The following AUTS2 variants were observed in gnomAD, a reference collection of about 807,000 sequenced individuals.
The protein encoded by AUTS2 is activator of transcription and developmental regulator AUTS2, also known as autism susceptibility gene 2 protein.
In AUTS2, 17 loss-of-function variants were observed where a neutral mutation model predicts 112.4. The observed-to-expected ratio is 0.15, with a 90% CI of 0.10 to 0.23. The LOEUF (loss-of-function observed/expected upper bound fraction) is 0.23. Among genes scored for constraint, AUTS2 ranks in the 10% least tolerant of loss-of-function variants. The pLI, the probability that AUTS2 is intolerant of heterozygous loss-of-function variation, is 1.00. For synonymous variants in AUTS2, 751 were observed against 702.7 expected, an observed-to-expected ratio of 1.07 and a Z score of -1.09; for missense variants, 1,510 against 1,701.6, an observed-to-expected ratio of 0.89 and a Z score of 1.98.
chr7:69,844,599 A>G (rs1006949739), intron 1 of AUTS2, among the ~76,000 whole-genome samples: 1 of 152,224 alleles, frequency 6.6e-6, no homozygotes, highest in Non-Finnish European at 1.5e-5. Flanking sequence ...AGAGAAGGTC[A>G]AAATCTACAT....
chr7:70,562,023 A>T (rs1440989678), intron 5 of AUTS2, among the ~76,000 whole-genome samples: 1 of 152,236 alleles, frequency 6.6e-6, no homozygotes, highest in East Asian at 1.9e-4. Context: ...CTGCTTGTTT[A>T]AAAAAGCCTG....
At chr7:69,842,497 A>T (rs1357075388) in intron 1 of AUTS2, among the ~76,000 whole-genome samples, 1 of 152,210 alleles carries the variant, frequency 6.6e-6, no homozygotes. Flanking sequence ...GATGTTATGA[A>T]GTAAGTGACT....
At chr7:70,319,635 A>C (rs1182119009) in intron 4 of AUTS2, among the ~76,000 whole-genome samples, 1 of 152,208 alleles carries the variant, frequency 6.6e-6, no homozygotes, top group Non-Finnish European at 1.5e-5. Context: ...GGTCTCAGCC[A>C]ACCTCAAAGG....
chr7:70,344,094 C>A (rs923676866), intron 4 of AUTS2, among the ~76,000 whole-genome samples: 10 of 152,114 alleles, frequency 6.6e-5, no homozygotes, highest in African/African-American at 2.4e-4. Flanking sequence ...ACTGACACAA[C>A]CCTGAGAATG....
At chr7:70,580,096 G>A (rs1490888534) in intron 5 of AUTS2, among the ~76,000 whole-genome samples, 2 of 152,116 alleles carry the variant, frequency 1.3e-5, no homozygotes, top group Non-Finnish European at 2.9e-5. Context: ...AACCAGCACT[G>A]ACTCGGTGGT....
chr7:70,111,324 A>C (rs1343882013), intron 2 of AUTS2, among the ~76,000 whole-genome samples: 1 of 152,202 alleles, frequency 6.6e-6, no homozygotes, highest in East Asian at 1.9e-4. Flanking sequence ...GACCTAATCA[A>C]GTGAACTATT....
chr7:69,939,078 A>G (rs1217368235), intron 2 of AUTS2, among the ~76,000 whole-genome samples: 1 of 152,202 alleles, frequency 6.6e-6, no homozygotes, highest in African/African-American at 2.4e-5. Context: ...CAGCAAGTGA[A>G]ACTTAAATAC....
chr7:70,530,634 C>T lies in AUTS2; in HGVS notation c.690+94853C>T, dbSNP rs143986575. On this transcript the variant is annotated intron_variant, in intron 5 of 18. Transcript: ENST00000342771. Reference sequence around the variant, plus strand: ...CTCTGCCCTCCCTCTTCCCCAGCCCCCAGCCTGACCGTGGAAATTAGCCTG... The same window carrying T: ...CTCTGCCCTCCCTCTTCCCCAGCCCTCAGCCTGACCGTGGAAATTAGCCTG... Among the ~76,000 whole-genome samples, 55 of 152,284 alleles carry T rather than the reference C, an allele frequency of 3.6e-4. No individual in the cohort carries two copies. In the East Asian group the frequency reaches 0.011, roughly 29 times the overall value.
intron 1 of AUTS2, among the ~76,000 whole-genome samples, chr7:69,760,976 A>C (rs573561182): frequency 6.6e-6 from 1 of 152,182 alleles, no homozygotes; most frequent in Non-Finnish European, 1.5e-5. Flanking sequence ...ACCAGAGGAG[A>C]TGGTTGCAAA....
At chr7:69,715,227 T>TAAAAA (rs61555118) in intron 1 of AUTS2, among the ~76,000 whole-genome samples, 2 of 129,424 alleles carry the variant, frequency 1.5e-5, no homozygotes, top group African/African-American at 5.8e-5. Flanking sequence ...CAGGCATAAG[T>TAAAAA]AAAAAAAAAA....
intron 1 of AUTS2, among the ~76,000 whole-genome samples, chr7:69,683,122 T>C (rs1584063759): frequency 6.6e-6 from 1 of 152,232 alleles, no homozygotes; most frequent in Non-Finnish European, 1.5e-5. Flanking sequence ...GATGAGGCGG[T>C]ATCTGATTTG....
At chr7:69,711,254 T>G (rs1798311532) in intron 1 of AUTS2, among the ~76,000 whole-genome samples, 1 of 152,156 alleles carries the variant, frequency 6.6e-6, no homozygotes, top group East Asian at 1.9e-4. Flanking sequence ...AAATGATAGT[T>G]TAAGAATGAG....
chr7:69,814,168 T>G (rs1037204741), intron 1 of AUTS2, among the ~76,000 whole-genome samples: 2 of 152,230 alleles, frequency 1.3e-5, no homozygotes, highest in African/African-American at 4.8e-5. Context: ...TTTTTGTTGC[T>G]TTAACATTTT....
At chr7:70,635,778 A>T (rs551679944) in intron 5 of AUTS2, among the ~76,000 whole-genome samples, 2 of 152,300 alleles carry the variant, frequency 1.3e-5, no homozygotes, top group South Asian at 4.2e-4. Flanking sequence ...GGACTGCAGG[A>T]CCTGTGCATG....
chr7:70,308,295 C>G (rs1352185676), intron 4 of AUTS2, among the ~76,000 whole-genome samples: 4 of 152,170 alleles, frequency 2.6e-5, no homozygotes, highest in Non-Finnish European at 5.9e-5. Context: ...ATACCCATTT[C>G]ACTCTTCTTA....
chr7:70,348,682 C>A (rs1354470180), intron 4 of AUTS2, among the ~76,000 whole-genome samples: 1 of 151,662 alleles, frequency 6.6e-6, no homozygotes, highest in East Asian at 1.9e-4. Context: ...AGGTGGCGGG[C>A]GCCTGTAGTC....
intron 1 of AUTS2, among the ~76,000 whole-genome samples, chr7:69,618,333 G>A (rs1210637043): frequency 6.6e-6 from 1 of 152,208 alleles, no homozygotes; most frequent in African/African-American, 2.4e-5. Context: ...GTTAGTTTGT[G>A]TAGAGGATTT....
intron 5 of AUTS2, among the ~76,000 whole-genome samples, chr7:70,548,798 A>G: frequency 6.6e-6 from 1 of 152,010 alleles, no homozygotes; most frequent in Non-Finnish European, 1.5e-5. Context: ...CTTGATTACT[A>G]TAGCTTTGTA....
intron 5 of AUTS2, among the ~76,000 whole-genome samples, chr7:70,563,849 C>CA (rs1160650813): frequency 2.0e-5 from 3 of 152,192 alleles, no homozygotes; most frequent in South Asian, 2.1e-4. Flanking sequence ...CAATGATCTT[C>CA]ACTTATTTCA....
Sources: gnomAD v4.1 joint callset for allele counts (sites outside exome capture counted in the v4.1 genomes callset) on GRCh38, gnomAD v4.1.1 for gene constraint, MANE v1.5 for transcripts, NCBI Gene and HGNC (gene_info 2026-07-23, HGNC 2026-07-21) for gene names.